The following CDH22 variants were observed in gnomAD, a reference collection of about 807,000 sequenced individuals.
CDH22 encodes the protein cadherin 22.
A neutral mutation model predicts 58.4 loss-of-function variants in CDH22; 30 were observed. The observed-to-expected ratio is 0.51, with a 90% CI of 0.38 to 0.70. The LOEUF (loss-of-function observed/expected upper bound fraction) is 0.70. Ranked by LOEUF, CDH22 falls within the 30% of genes least tolerant of loss-of-function variation. The probability of loss-of-function intolerance (pLI) is 0.00; values close to 1 mark genes in which losing one functional copy is unlikely to be tolerated. For missense variants in CDH22, 1,014 were observed against 1,233.9 expected, an observed-to-expected ratio of 0.82 and a Z score of 2.67; for synonymous variants, 513 against 558.2, an observed-to-expected ratio of 0.92 and a Z score of 1.14.
At chr20:46,205,516 CTG>C (rs1322493620) in intron 7 of CDH22, among the ~76,000 whole-genome samples, 1 of 152,292 alleles carries the variant, frequency 6.6e-6, no homozygotes, top group East Asian at 1.9e-4. Context: ...CTGCACCACA[CTG>C]TGGAGTGCTG....
At position 46,213,155 on chromosome 20, in the gene CDH22, G is replaced by A. The variant is rs770146661; in HGVS notation, c.872C>T (p.Pro291Leu). ...MYQFSIQESA[P>L]IGTAVGRVKA... ...CACACGTCCCACAGCCGTTCCAATG[G>A]GGGCTGACTCCTGGATGCTGAACTG... The change falls in exon 6 of 12, where the codon CCC becomes CTC. Residue 291 changes from proline (P) to leucine (L), a missense_variant. Physicochemically the swap from Pro to Leu is moderately conservative, Grantham distance 98. Around this residue, in one of 2 missense-constraint regions of CDH22, gnomAD observed 806 missense variants for 1,038.7 expected, o/e 0.78. Coordinates refer to ENST00000537909, the MANE Select transcript of CDH22 (RefSeq NM_021248.3). 1 of 1,614,168 alleles carries A rather than the reference G, an allele frequency of 6.2e-7. No individual in the cohort carries two copies. Among genetic ancestry groups the A allele is most frequent in the Non-Finnish European group, 8.5e-7 (1 of 1,180,030 alleles).
At chr20:46,217,673 AAC>A (rs1311996999) in intron 4 of CDH22, among the ~76,000 whole-genome samples, 1 of 152,104 alleles carries the variant, frequency 6.6e-6, no homozygotes, top group Non-Finnish European at 1.5e-5. Flanking sequence ...TCCATACAGA[AAC>A]ACACACACTC....
chr20:46,277,825 G>C (rs1273349327), intron 1 of CDH22, among the ~76,000 whole-genome samples: 2 of 152,088 alleles, frequency 1.3e-5, no homozygotes, highest in Non-Finnish European at 2.9e-5. Context: ...GGGCTGAGCA[G>C]TGAGTGGGAG....
intron 3 of CDH22, among the ~76,000 whole-genome samples, chr20:46,230,177 ACCTTGG>A (rs2086210267): frequency 6.6e-6 from 1 of 151,994 alleles, no homozygotes; most frequent in African/African-American, 2.4e-5. Context: ...CTGTGGGACC[ACCTTGG>A]GGTGGTCCCA....
intron 3 of CDH22, among the ~76,000 whole-genome samples, chr20:46,236,205 CAGA>C (rs2086250180): frequency 1.3e-5 from 2 of 152,008 alleles, no homozygotes; most frequent in Non-Finnish European, 2.9e-5. Context: ...TCTAACAGCC[CAGA>C]CCTCGTGAGC....
At chr20:46,265,732 T>C (rs1397284223) in intron 1 of CDH22, among the ~76,000 whole-genome samples, 1 of 152,232 alleles carries the variant, frequency 6.6e-6, no homozygotes, top group African/African-American at 2.4e-5. Context: ...TGCTGCATAG[T>C]ACTCCATTGC....
rs1028597690 is a variant in CDH22 at position 46,296,754 on chromosome 20, G to A, written c.-400+11501C>T. ...ACAGGGAGCCACTGCTGTCTTAGGAGCCTCTTTCCCTCCCTCCTGAGGCAG... is the reference window on the plus strand; with the variant it reads ...ACAGGGAGCCACTGCTGTCTTAGGAACCTCTTTCCCTCCCTCCTGAGGCAG... On this transcript the variant is annotated intron_variant, in intron 1 of 11. Coordinates refer to ENST00000537909, the MANE Select transcript of CDH22 (RefSeq NM_021248.3). Among the ~76,000 whole-genome samples the A allele has an allele frequency of 6.6e-5, 10 of 152,070 alleles. No homozygotes were observed. In the South Asian group the frequency reaches 1.9e-3, roughly 28 times the overall value.
chr20:46,195,359 C>T (rs1178267437), intron 8 of CDH22, among the ~76,000 whole-genome samples: 2 of 152,238 alleles, frequency 1.3e-5, no homozygotes, highest in Admixed American at 6.5e-5. Flanking sequence ...ACTGAATACT[C>T]ACACAGACCC....
chr20:46,252,566 C>G (rs2086384611), intron 1 of CDH22, among the ~76,000 whole-genome samples: 1 of 152,186 alleles, frequency 6.6e-6, no homozygotes, highest in South Asian at 2.1e-4. Context: ...TTACAGGGGA[C>G]AGCGATGCTG....
chr20:46,307,275 G>C (rs6032761), intron 1 of CDH22, among the ~76,000 whole-genome samples: 1 of 152,220 alleles, frequency 6.6e-6, no homozygotes, highest in African/African-American at 2.4e-5. Context: ...TCCTGGATCA[G>C]CCCTACCCTC....
chr20:46,230,441 GTGGCTCTCGTGAGCTGGTACGAGC>G (rs936621272), intron 3 of CDH22, among the ~76,000 whole-genome samples: 1 of 152,092 alleles, frequency 6.6e-6, no homozygotes, highest in Non-Finnish European at 1.5e-5. Flanking sequence ...AAATCAACAT[GTGGCTCTCGTGAGCTGGTACGAGC>G]TGACTCCAGC....
chr20:46,195,909 G>A (rs549099426), intron 8 of CDH22, among the ~76,000 whole-genome samples: 26 of 152,256 alleles, frequency 1.7e-4, no homozygotes, highest in East Asian at 3.9e-4. Flanking sequence ...CTCACCAAGC[G>A]CCGCCGCTGT....
intron 4 of CDH22, among the ~76,000 whole-genome samples, chr20:46,225,138 G>C (rs1040840912): frequency 5.3e-5 from 8 of 152,380 alleles, no homozygotes; most frequent in African/African-American, 1.9e-4. Context: ...TCACGGGAGT[G>C]TCGTCTGGTA....
intron 10 of CDH22, among the ~76,000 whole-genome samples, chr20:46,178,734 C>T (rs2085762281): frequency 6.6e-6 from 1 of 151,940 alleles, no homozygotes; most frequent in Non-Finnish European, 1.5e-5. Context: ...CCTGGGTCCT[C>T]AGAAGGGACT....
In CDH22 at chr20:46,251,074, T is replaced by C. The variant is rs1349739632; in HGVS notation, c.221A>G (p.Glu74Gly). The change falls in exon 2 of 12, where the codon GAG (glutamate) becomes GGG (glycine). Residue 74 changes from glutamate to glycine, a missense_variant. Coordinates refer to ENST00000537909, the MANE Select transcript of CDH22 (RefSeq NM_021248.3). The surrounding 1 kb of genome is among the most constrained non-coding windows in gnomAD (Gnocchi z 6.7). ...ATACAGGGGCTCCGTGCCCGTGTAC[T>C]CCTCTACCACGAAGAACTGGTTCCA... The part of the protein sequence containing the change: ...WVWNQFFVVE[E>G]YTGTEPLYVG... 4 of 1,611,910 alleles carry C rather than the reference T, an allele frequency of 2.5e-6. No homozygotes were observed. Among genetic ancestry groups the C allele is most frequent in the Non-Finnish European group, 3.4e-6 (4 of 1,178,880 alleles).
intron 2 of CDH22, among the ~76,000 whole-genome samples, chr20:46,246,237 A>T (rs1002287623): frequency 9.9e-5 from 15 of 152,232 alleles, no homozygotes; most frequent in African/African-American, 3.6e-4. Flanking sequence ...TCAAATAAAA[A>T]GCCTCCCCGG....
chr20:46,228,371 A>C lies in CDH22; in HGVS notation c.551-744T>G, dbSNP rs557204278. ...CACACACTTCTCATGCTCTGCACGTAGACTGCTGGGGAGAGTATAAATTGG... is the reference window on the plus strand; with the variant it reads ...CACACACTTCTCATGCTCTGCACGTCGACTGCTGGGGAGAGTATAAATTGG... On this transcript the variant is annotated intron_variant, in intron 3 of 11. Transcript: ENST00000537909. Among the ~76,000 whole-genome samples, 63 of 152,318 alleles carry C rather than the reference A, an allele frequency of 4.1e-4. 2 individuals are homozygous for C. In the South Asian group the frequency reaches 8.3e-3, roughly 20 times the overall value.
rs945397999 is a variant in CDH22, at chr20:46,236,557, A to G, written c.550+4406T>C. On this transcript the variant is annotated intron_variant, in intron 3 of 11. Coordinates refer to ENST00000537909, the MANE Select transcript of CDH22 (RefSeq NM_021248.3). ...TATTTATATATAAATATATAAATAT[A>G]AAAATAAATATATATTATATATAAA... Among the ~76,000 whole-genome samples, 25 of 143,530 alleles carry G rather than the reference A, an allele frequency of 1.7e-4. 1 individual carries two copies. Among genetic ancestry groups the G allele is most frequent in the African/African-American group, 6.1e-4 (24 of 39,366 alleles). 94.2% of individuals were successfully genotyped at this position (143,530 alleles called of 152,430 possible).
Position 46,280,518 on chromosome 20 carries a change from G to C in CDH22, c.-400+27737C>G, listed in dbSNP as rs547473190. On this transcript the variant is annotated intron_variant, in intron 1 of 11. Transcript: ENST00000537909. ...CAGAGTCCTCTGAGCACCTTCTCAGGGGGGCTGGCAGTCTCCAGGCAGAAG... is the reference window on the plus strand; with the variant it reads ...CAGAGTCCTCTGAGCACCTTCTCAGCGGGGCTGGCAGTCTCCAGGCAGAAG... Among the ~76,000 whole-genome samples the C allele has an allele frequency of 3.9e-5, 6 of 152,276 alleles. No homozygotes were observed. The South Asian group carries it at 8.3e-4, about 21-fold the overall frequency.
Sources: allele counts gnomAD v4.1 joint callset (sites outside exome capture counted in the v4.1 genomes callset), GRCh38; gene constraint gnomAD v4.1.1; regional missense constraint gnomAD v4.1.1; non-coding constraint Gnocchi (gnomAD v3.1); transcripts MANE v1.5; gene names NCBI Gene and HGNC (gene_info 2026-07-23, HGNC 2026-07-21).